The following DPP10 variants were observed in gnomAD, a reference collection of about 807,000 sequenced individuals.
The protein encoded by DPP10 is inactive dipeptidyl peptidase 10.
A neutral mutation model predicts 120.9 loss-of-function variants in DPP10; 33 were observed. The ratio of observed to expected loss-of-function variants is 0.27; its 90% CI spans 0.21 to 0.37. DPP10 has a LOEUF of 0.37. DPP10 is among the 10% of genes least tolerant of loss of function. The pLI, the probability that DPP10 is intolerant of heterozygous loss-of-function variation, is 1.00. For synonymous variants in DPP10, 337 were observed against 326.1 expected (o/e 1.03, Z -0.36); for missense variants, 816 against 942.8 (o/e 0.87, Z 1.76).
intron 1 of DPP10, among the ~76,000 whole-genome samples, chr2:114,727,379 G>A (rs1222613994): frequency 6.6e-6 from 1 of 152,148 alleles, no homozygotes; most frequent in Non-Finnish European, 1.5e-5. Context: ...AACATTCTGA[G>A]TATCACTTTC....
chr2:114,551,300 C>A (rs958903222), intron 1 of DPP10, among the ~76,000 whole-genome samples: 1 of 152,182 alleles, frequency 6.6e-6, no homozygotes, highest in African/African-American at 2.4e-5. Context: ...CCCCATCATG[C>A]CCGCTGCCCC....
chr2:114,532,797 C>A (rs187114511), intron 1 of DPP10, among the ~76,000 whole-genome samples: 135 of 152,240 alleles, frequency 8.9e-4, no homozygotes, highest in African/African-American at 3.2e-3. Context: ...GGAAAGTTTA[C>A]ATGGATGAGT....
At chr2:115,363,470 C>G (rs529737584) in intron 3 of DPP10, among the ~76,000 whole-genome samples, 3 of 152,122 alleles carry the variant, frequency 2.0e-5, no homozygotes, top group African/African-American at 7.2e-5. Context: ...TAAGGCCCAA[C>G]CAACCACCAA....
At chr2:114,899,063 TG>T (rs974838707) in intron 1 of DPP10, among the ~76,000 whole-genome samples, 9 of 151,816 alleles carry the variant, frequency 5.9e-5, no homozygotes, top group Non-Finnish European at 8.8e-5. Context: ...TAGATGAATA[TG>T]TTTTTTTTTT....
At chr2:115,804,994 G>A (rs1240149450) in intron 19 of DPP10, among the ~76,000 whole-genome samples, 5 of 152,190 alleles carry the variant, frequency 3.3e-5, no homozygotes, top group East Asian at 1.9e-4. Flanking sequence ...AGAGGTTATT[G>A]CTGTCTTTTG....
chr2:114,857,338 C>A (rs1227559073), intron 1 of DPP10, among the ~76,000 whole-genome samples: 1 of 152,190 alleles, frequency 6.6e-6, no homozygotes, highest in Non-Finnish European at 1.5e-5. Context: ...GTTTGCATGG[C>A]AGCATTCTTT....
intron 5 of DPP10, among the ~76,000 whole-genome samples, chr2:115,643,467 A>G (rs1045005946): frequency 2.0e-5 from 3 of 152,192 alleles, no homozygotes; most frequent in Non-Finnish European, 4.4e-5. Context: ...CGAAATCCAT[A>G]TACTGCACCA....
intron 1 of DPP10, among the ~76,000 whole-genome samples, chr2:115,261,565 ACTT>A (rs747960272): frequency 4.6e-5 from 7 of 152,178 alleles, no homozygotes; most frequent in Admixed American, 2.6e-4. Flanking sequence ...AAATTTCCAC[ACTT>A]CTTCAATACA....
intron 1 of DPP10, among the ~76,000 whole-genome samples, chr2:115,016,249 TGG>T (rs1702627110): frequency 6.6e-6 from 1 of 152,106 alleles, no homozygotes; most frequent in South Asian, 2.1e-4. Flanking sequence ...AAACAAGCAA[TGG>T]GGAAAGGATT....
chr2:114,626,582 A>T (rs997597670), intron 1 of DPP10, among the ~76,000 whole-genome samples: 1 of 152,052 alleles, frequency 6.6e-6, no homozygotes, highest in Non-Finnish European at 1.5e-5. Flanking sequence ...TTCTAGTTTT[A>T]GAAAAAGACT....
chr2:115,414,402 C>T (rs546162534), intron 3 of DPP10, among the ~76,000 whole-genome samples: 1 of 152,240 alleles, frequency 6.6e-6, no homozygotes, highest in East Asian at 1.9e-4. Flanking sequence ...TTTCCATCAT[C>T]TTTTATCTCA....
chr2:114,565,636 T>A (rs897792526), intron 1 of DPP10, among the ~76,000 whole-genome samples: 3 of 152,262 alleles, frequency 2.0e-5, no homozygotes, highest in African/African-American at 7.2e-5. Flanking sequence ...CAGCGCAGCA[T>A]ACTTCTGTCC....
At chr2:115,451,389 A>T (rs11900631) in intron 3 of DPP10, among the ~76,000 whole-genome samples, 21,168 of 151,900 alleles carry the variant, frequency 0.14, 3,232 homozygotes, top group African/African-American at 0.37. Context: ...AGTGAATGTT[A>T]TTAAATCAGC....
At chr2:115,840,318 G>C (rs2922064) in intron 24 of DPP10, among the ~76,000 whole-genome samples, 3 of 31,860 alleles carry the variant, frequency 9.4e-5, no homozygotes, top group Non-Finnish European at 1.9e-4. Flanking sequence ...AAGGTTTTTT[G>C]GTTTTTTTTT....
chr2:115,195,807 C>T (rs1435171221), intron 1 of DPP10, among the ~76,000 whole-genome samples: 1 of 152,146 alleles, frequency 6.6e-6, no homozygotes, highest in Non-Finnish European at 1.5e-5. Context: ...GACACTCTTC[C>T]CTCCACAAAG....
intron 3 of DPP10, among the ~76,000 whole-genome samples, chr2:115,377,780 G>A (rs1171357614): frequency 2.0e-5 from 3 of 152,000 alleles, no homozygotes; most frequent in Non-Finnish European, 4.4e-5. Context: ...TGGCTAGCCA[G>A]TTTTCCCAGC....
intron 5 of DPP10, among the ~76,000 whole-genome samples, chr2:115,658,295 T>G (rs1191826655): frequency 2.6e-5 from 4 of 152,084 alleles, no homozygotes; most frequent in African/African-American, 9.6e-5. Context: ...TAGTATCTTT[T>G]TATTTATTTT....
At chr2:115,685,184 A>G (rs1352752643) in intron 5 of DPP10, among the ~76,000 whole-genome samples, 1 of 151,944 alleles carries the variant, frequency 6.6e-6, no homozygotes, top group Non-Finnish European at 1.5e-5. Flanking sequence ...GTAATATAAT[A>G]TATGTAAAGC....
intron 1 of DPP10, among the ~76,000 whole-genome samples, chr2:114,698,243 C>T (rs980978689): frequency 6.6e-6 from 1 of 151,982 alleles, no homozygotes; most frequent in Non-Finnish European, 1.5e-5. Context: ...CTGAGGGAAG[C>T]CAGCTTCCAT....
Sources: allele counts gnomAD v4.1 joint callset (sites outside exome capture counted in the v4.1 genomes callset), GRCh38; gene constraint gnomAD v4.1.1; transcripts MANE v1.5; gene names NCBI Gene and HGNC (gene_info 2026-07-23, HGNC 2026-07-21).